VPS13C: variants seen among roughly 807,000 people sequenced by gnomAD.
The protein encoded by VPS13C is vacuolar protein sorting 13 homolog C.
A neutral mutation model predicts 456.8 loss-of-function variants in VPS13C; 358 were observed. The observed-to-expected ratio is 0.78, with a 90% CI of 0.72 to 0.86. The LOEUF (loss-of-function observed/expected upper bound fraction) is 0.86, where lower values mean the gene tolerates loss of function less well. Ranked by LOEUF, VPS13C falls within the 40% of genes least tolerant of loss-of-function variation. VPS13C has a pLI of 0.00. For synonymous variants in VPS13C, 1,578 were observed against 1,486.7 expected, an observed-to-expected ratio of 1.06 and a Z score of -1.41; for missense variants, 4,818 against 4,385.4, an observed-to-expected ratio of 1.10 and a Z score of -2.79.
intron 51 of VPS13C, among the ~76,000 whole-genome samples, chr15:61,928,771 C>G (rs902453390): frequency 6.6e-6 from 1 of 151,818 alleles, no homozygotes. Context: ...CCAAGCTACT[C>G]AGGAGGCTGA....
chr15:61,868,687 T>C lies in VPS13C; in HGVS notation c.10835A>G (p.Gln3612Arg). 4 of 1,614,102 alleles carry C rather than the reference T, an allele frequency of 2.5e-6. No homozygotes were observed. Among genetic ancestry groups the C allele is most frequent in the Non-Finnish European group, 3.4e-6 (4 of 1,179,996 alleles). Residue 3612 changes from glutamine to arginine, a missense_variant, in exon 81 of 85, where the codon CAG (glutamine) becomes CGG (arginine). Transcript: ENST00000644861. ...AAGTAAGTCAGAGCCCTCAGATTCC[T>C]GTCTGTCATAAGGACGAATGATGCC... ...EDGIIRPYDRQESEGSDLLEN... is the reference protein window; with the variant it reads ...EDGIIRPYDRRESEGSDLLEN...
intron 29 of VPS13C, among the ~76,000 whole-genome samples, chr15:61,966,796 T>C (rs991331708): frequency 3.3e-5 from 5 of 151,982 alleles, no homozygotes; most frequent in African/African-American, 1.2e-4. Flanking sequence ...CCTACTCGTC[T>C]ACAATTTTCT....
At chr15:62,044,729 CTG>C (rs2048349541) in intron 1 of VPS13C, among the ~76,000 whole-genome samples, 2 of 152,254 alleles carry the variant, frequency 1.3e-5, no homozygotes, top group Admixed American at 6.5e-5. Context: ...CCAATGATTA[CTG>C]TATGTGCTTC....
At position 61,917,616 on chromosome 15, in the gene VPS13C, G is replaced by T. The variant is rs1394635227; in HGVS notation, c.7780C>A (p.Pro2594Thr). 6.2e-7 allele frequency: 1 copy of T among 1,611,246 alleles called. No individual in the cohort carries two copies. The highest frequency in any genetic ancestry group is 8.5e-7 in the Non-Finnish European group (1 of 1,177,644). ...TACTGATGCTCTAAGATTCCAGCTG[G>T]CTGGATAAACAATTGACATCTGCAG... The part of the protein sequence containing the change: ...DSYRCQLFIQ[P>T]AGILEHQYKE... Residue 2594 changes from proline (P) to threonine (T), a missense_variant, in exon 60 of 85, where the codon CCA (proline) becomes ACA (threonine). Physicochemically the swap from Pro to Thr is conservative, Grantham distance 38. Around this residue, in one of 3 missense-constraint regions of VPS13C, gnomAD observed 4,552 missense variants for 4,130.6 expected, o/e 1.10. Coordinates refer to ENST00000644861, the MANE Select transcript of VPS13C (RefSeq NM_020821.3).
intron 1 of VPS13C, among the ~76,000 whole-genome samples, chr15:62,049,873 G>A (rs1037936972): frequency 5.3e-5 from 8 of 152,078 alleles, no homozygotes; most frequent in African/African-American, 1.9e-4. Context: ...AATTATGAAT[G>A]GGAGTTCACT....
At chr15:61,954,694 A>G in intron 37 of VPS13C, 140 bp from the exon 38 acceptor site, 1 of 808,478 alleles carries the variant, frequency 1.2e-6, no homozygotes, top group Non-Finnish European at 1.8e-6. Flanking sequence ...CCCTTGGAAA[A>G]CTCATGGTTT....
At chr15:61,897,116 A>G (rs1596305808) in intron 66 of VPS13C, among the ~76,000 whole-genome samples, 3 of 151,936 alleles carry the variant, frequency 2.0e-5, no homozygotes, top group African/African-American at 7.3e-5. Flanking sequence ...CACCATCATC[A>G]AAGACCAAAA....
At chr15:62,004,653 C>A (rs1368084933) in intron 15 of VPS13C, among the ~76,000 whole-genome samples, 2 of 151,616 alleles carry the variant, frequency 1.3e-5, no homozygotes, top group Non-Finnish European at 2.9e-5. Context: ...CTCTTGTGGG[C>A]ATTTGGTGCT....
rs757732777 is a variant in VPS13C, at chr15:62,033,567, C to A, written c.284-25G>T. On this transcript the variant is annotated intron_variant, in intron 4 of 84. Transcript: ENST00000644861. ...CCTAAAAATATACAGTCAATTCACACAAAAATAAATGGAATTAATAAATAA... is the reference window on the plus strand; with the variant it reads ...CCTAAAAATATACAGTCAATTCACAAAAAAATAAATGGAATTAATAAATAA... The A allele has an allele frequency of 1.2e-5, 18 of 1,473,046 alleles. No homozygotes were observed. The Admixed American group carries it at 3.2e-4, about 26-fold the overall frequency. 91.2% of individuals were successfully genotyped at this position (1,473,046 alleles called of 1,614,324 possible). A position where few individuals can be genotyped will look rare whatever the true frequency, so the allele number is the denominator to read the frequency against.
intron 15 of VPS13C, among the ~76,000 whole-genome samples, chr15:62,002,443 C>T (rs1285012745): frequency 2.6e-5 from 4 of 152,012 alleles, no homozygotes; most frequent in Non-Finnish European, 2.9e-5. Context: ...GAGTAGGTTG[C>T]GAAAATTTTC....
In VPS13C at chr15:61,972,666, C is replaced by T. The variant is rs781254664; in HGVS notation, c.2716G>A (p.Glu906Lys). 1 of 1,613,482 alleles carries T rather than the reference C, an allele frequency of 6.2e-7. No homozygotes were observed. Among genetic ancestry groups the T allele is most frequent in the South Asian group, 1.1e-5 (1 of 91,060 alleles). The change falls in exon 27 of 85, where the codon GAG (glutamate) becomes AAG (lysine). Residue 906 changes from glutamate (E) to lysine (K), a missense_variant. Glu to Lys is a moderately conservative substitution (Grantham distance 56). This residue lies in a region of VPS13C where 4,552 missense variants were observed against 4,130.6 expected (regional missense o/e 1.10). Coordinates refer to ENST00000644861, the MANE Select transcript of VPS13C (RefSeq NM_020821.3). ...ELKKAAEVPN[E>K]ELINLLLKFE... ...TTGAGTAGAAGATTGATGAGCTCCT[C>T]ATTTGGGACCTCTGCAGCTTTTTTA...
chr15:62,019,429 G>C (rs893802304), intron 9 of VPS13C, among the ~76,000 whole-genome samples: 4 of 152,024 alleles, frequency 2.6e-5, no homozygotes, highest in Non-Finnish European at 5.9e-5. Flanking sequence ...GGCATTTAGT[G>C]CTGCAAATTT....
At chr15:62,007,121 G>GA (rs935203698) in intron 15 of VPS13C, among the ~76,000 whole-genome samples, 187 bp downstream of exon 15, 2 of 151,600 alleles carry the variant, frequency 1.3e-5, no homozygotes, top group Non-Finnish European at 2.9e-5. Flanking sequence ...TTTGCAGGGG[G>GA]AAAAAAAGTT....
rs2043456175 is a variant in VPS13C at position 61,915,881 on chromosome 15, G to A, written c.8197C>T (p.Leu2733=). Residue 2733 remains leucine (L), a synonymous_variant, in exon 61 of 85, where the codon CTA becomes TTA. Transcript: ENST00000644861. ...WNGHFRIRDT[L]PEFFPVCFSS... ...AAACACACAGGAAAGAATTCTGGTA[G>A]TGTATCACGTATGCGGAAATGTCCA... 1.2e-6 allele frequency: 2 copies of A among 1,613,882 alleles called. No individual in the cohort carries two copies. The highest frequency in any genetic ancestry group is 2.7e-5 in the African/African-American group (2 of 74,852).
intron 66 of VPS13C, among the ~76,000 whole-genome samples, chr15:61,898,288 A>G (rs1406061841): frequency 2.6e-5 from 4 of 152,184 alleles, no homozygotes; most frequent in Non-Finnish European, 5.9e-5. Context: ...AAATGTTCCA[A>G]TTAAAAGACA....
intron 66 of VPS13C, among the ~76,000 whole-genome samples, chr15:61,903,767 C>CGTGGCA (rs1174540247): frequency 6.6e-6 from 1 of 152,098 alleles, no homozygotes; most frequent in African/African-American, 2.4e-5. Flanking sequence ...ACCAAAACAT[C>CGTGGCA]GTGGCAGTAG....
rs751683656 is a variant in VPS13C at position 61,983,970 on chromosome 15, T to C, written c.1764A>G (p.Arg588=). Residue 588 remains arginine, a synonymous_variant, in exon 20 of 85, where the codon AGA becomes AGG. Transcript: ENST00000644861. ...CAAGTGATGGCACAATATCCTGCTGTCTCAAACCTGTTATATACCAGTGTT... is the reference window on the plus strand; with the variant it reads ...CAAGTGATGGCACAATATCCTGCTGCCTCAAACCTGTTATATACCAGTGTT... ...KLEHWYITGL[R]QQDIVPSLVA... is the part of the protein sequence containing the mutation. 1 of 1,614,120 alleles carries C rather than the reference T, an allele frequency of 6.2e-7. No individual in the cohort carries two copies. Among genetic ancestry groups the C allele is most frequent in the Non-Finnish European group, 8.5e-7 (1 of 1,179,998 alleles).
At chr15:61,985,806 C>A (rs1473931581) in intron 18 of VPS13C, among the ~76,000 whole-genome samples, 1 of 151,950 alleles carries the variant, frequency 6.6e-6, no homozygotes, top group Non-Finnish European at 1.5e-5. Flanking sequence ...GGGAGATGAT[C>A]CTGGAATTTG....
rs760014820 is a variant in VPS13C at position 62,000,608 on chromosome 15, C to CCT, written c.1308_1309insAG (p.Asp437ArgfsTer6). On this transcript the variant is annotated frameshift_variant, in exon 16 of 85. Transcript: ENST00000644861. LOFTEE classifies it high-confidence loss of function. The stretch of plus-strand genomic sequence containing the variant: ...CTTGCTAAAATTATGTTAAAAACAT[C>CCT]TAGAGTCTTCTCCAAGTCCTGTAAA... 1 of 1,606,492 alleles carries CCT rather than the reference C, an allele frequency of 6.2e-7. No homozygotes were observed. Among genetic ancestry groups the CCT allele is most frequent in the Non-Finnish European group, 8.5e-7 (1 of 1,177,658 alleles).
Sources: allele counts gnomAD v4.1 joint callset (sites outside exome capture counted in the v4.1 genomes callset), GRCh38; gene constraint gnomAD v4.1.1; regional missense constraint gnomAD v4.1.1; transcripts MANE v1.5; gene names NCBI Gene and HGNC (gene_info 2026-07-23, HGNC 2026-07-21).